Variants in EIF2B1 observed in about 807,000 individuals in gnomAD.
EIF2B1 encodes the protein translation initiation factor eIF2B subunit alpha.
A neutral mutation model predicts 36.8 loss-of-function variants in EIF2B1; 30 were observed. That is an observed-to-expected ratio of 0.81 (90% CI 0.61 to 1.10). The LOEUF (loss-of-function observed/expected upper bound fraction) is 1.10, where lower values mean the gene tolerates loss of function less well. EIF2B1 is among the 50% of genes least tolerant of loss of function. The pLI is 0.00. For missense variants in EIF2B1, 271 were observed against 374.8 expected, an observed-to-expected ratio of 0.72 and a Z score of 2.29; for synonymous variants, 139 against 142.2, an observed-to-expected ratio of 0.98 and a Z score of 0.16.
chr12:123,627,011 G>A, intron 5 of EIF2B1, 33 bp downstream of exon 5: 5 of 1,584,320 alleles, frequency 3.2e-6, no homozygotes, highest in Non-Finnish European at 4.3e-6. Flanking sequence ...TAAAATTATG[G>A]CTGGGCACAT....
chr12:123,631,374 C>T (rs538933952), intron 2 of EIF2B1, among the ~76,000 whole-genome samples: 6 of 152,060 alleles, frequency 3.9e-5, no homozygotes, highest in African/African-American at 1.4e-4. Flanking sequence ...TTCTAAGAGT[C>T]ATTAGAAGAC....
intron 2 of EIF2B1, among the ~76,000 whole-genome samples, chr12:123,631,021 T>A (rs1955183034): frequency 6.6e-6 from 1 of 152,252 alleles, no homozygotes; most frequent in Non-Finnish European, 1.5e-5. Context: ...TATACCCAGA[T>A]GCTTACATTT....
At chr12:123,625,683 G>C (rs970311817) in intron 6 of EIF2B1, among the ~76,000 whole-genome samples, 4 of 152,126 alleles carry the variant, frequency 2.6e-5, no homozygotes, top group African/African-American at 9.7e-5. Flanking sequence ...ACAATCCCAG[G>C]AACATGTGAC....
chr12:123,633,423 C>G, intron 1 of EIF2B1, 122 bp downstream of exon 1: 1 of 1,461,896 alleles, frequency 6.8e-7, no homozygotes, highest in Non-Finnish European at 9.6e-7. Flanking sequence ...GGAAACACAA[C>G]CAGCGGAGCA....
Position 123,633,637 on chromosome 12 carries a change from C to A in EIF2B1, c.-80G>T, listed in dbSNP as rs770426974. On this transcript the variant is annotated 5_prime_UTR_variant, in exon 1 of 9. Transcript: ENST00000424014. ...ACGGGTCCGCCGGCCGCGCCGCCTG[C>A]GAGCCAGTCTGACAGCGCGCTGCAC... The A allele has an allele frequency of 1.9e-6, 3 of 1,579,598 alleles. No homozygotes were observed. The highest frequency in any genetic ancestry group is 1.7e-6 in the Non-Finnish European group (2 of 1,169,848).
Position 123,621,566 on chromosome 12 carries a change from T to C in EIF2B1, c.*190A>G. On this transcript the variant is annotated 3_prime_UTR_variant, in exon 9 of 9. Transcript: ENST00000424014. ...GAACAATTTAAGTTGGGATTTAGAA[T>C]AGCTGACACATTTTTAGATGGGACT... 4 of 678,726 alleles carry C rather than the reference T, an allele frequency of 5.9e-6. No homozygotes were observed. Among genetic ancestry groups the C allele is most frequent in the Non-Finnish European group, 1.0e-5 (4 of 399,522 alleles). 42.0% of individuals were successfully genotyped at this position (678,726 alleles called of 1,614,324 possible). A position where few individuals can be genotyped will look rare whatever the true frequency, so the allele number is the denominator to read the frequency against.
At chr12:123,625,711 G>C (rs1955143497) in intron 6 of EIF2B1, among the ~76,000 whole-genome samples, 1 of 152,200 alleles carries the variant, frequency 6.6e-6, no homozygotes, top group Non-Finnish European at 1.5e-5. Flanking sequence ...TGCGACACAA[G>C]CTGCATCTTC....
rs886049051 is a variant in EIF2B1 at position 123,633,627 on chromosome 12, G to A, written c.-70C>T. 2 of 1,594,578 alleles carry A rather than the reference G, an allele frequency of 1.3e-6. No homozygotes were observed. The highest frequency in any genetic ancestry group is 1.7e-5 in the Admixed American group (1 of 59,664). On this transcript the variant is annotated 5_prime_UTR_variant, in exon 1 of 9. Transcript: ENST00000424014. ...GCTGTCTCGAACGGGTCCGCCGGCC[G>A]CGCCGCCTGCGAGCCAGTCTGACAG...
rs547744395 is a variant in EIF2B1 at position 123,620,960 on chromosome 12, G to A, written c.*796C>T. On this transcript the variant is annotated 3_prime_UTR_variant, in exon 9 of 9. Coordinates refer to ENST00000424014, the MANE Select transcript of EIF2B1 (RefSeq NM_001414.4). ...TTGCCTGGGTCTTAAGTGTGTAAAT[G>A]TAGCTGGACAGTGTTTTCCCCTAGA... The A allele has an allele frequency of 3.3e-5, 5 of 152,460 alleles. No homozygotes were observed. The highest frequency in any genetic ancestry group is 3.3e-4 in the Admixed American group (5 of 15,298). The allele number at this position is 152,460 out of a possible 1,614,324, so 9.4% of individuals were successfully genotyped here.
intron 7 of EIF2B1, among the ~76,000 whole-genome samples, chr12:123,623,486 G>A (rs1224369936): frequency 1.3e-5 from 2 of 152,170 alleles, no homozygotes; most frequent in Non-Finnish European, 2.9e-5. Flanking sequence ...TGCAGCTGCT[G>A]TGGAAAATCA....
At chr12:123,632,894 C>T (rs1381614172) in intron 1 of EIF2B1, among the ~76,000 whole-genome samples, 1 of 142,390 alleles carries the variant, frequency 7.0e-6, no homozygotes, top group African/African-American at 2.7e-5. Flanking sequence ...TGCAGTGAGC[C>T]GAGACTGCGC....
At chr12:123,627,986 T>C (rs778412146) in intron 4 of EIF2B1, among the ~76,000 whole-genome samples, 7 of 152,256 alleles carry the variant, frequency 4.6e-5, no homozygotes, top group Non-Finnish European at 1.0e-4. Flanking sequence ...TTTGAATTTA[T>C]AAACACTGTT....
intron 7 of EIF2B1, 122 bp downstream of exon 7, chr12:123,624,665 T>C (rs1445813872): frequency 8.3e-6 from 7 of 842,010 alleles, no homozygotes; most frequent in South Asian, 1.4e-5. Context: ...CTCAATACCA[T>C]GATGAAGTCC....
intron 7 of EIF2B1, among the ~76,000 whole-genome samples, chr12:123,624,564 T>C (rs1164797987): frequency 6.6e-6 from 1 of 152,140 alleles, no homozygotes; most frequent in Admixed American, 6.5e-5. Flanking sequence ...CTGACCAAAT[T>C]ACATTGTCTT....
Position 123,627,142 on chromosome 12 carries a change from G to GT in EIF2B1, c.383dup (p.His128GlnfsTer22), listed in dbSNP as rs780061310. On this transcript the variant is annotated frameshift_variant, in exon 5 of 9. Transcript: ENST00000424014. LOFTEE classifies it high-confidence loss of function. ...CTCTCAGGACCACTCTGGAGTAGGC[G>GT]TGAGTCAATATTGTCTGTGGACCGA... The GT allele has an allele frequency of 4.3e-6, 7 of 1,614,016 alleles. No individual in the cohort carries two copies. The South Asian group carries it at 7.7e-5, about 18-fold the overall frequency.
chr12:123,623,311 G>C (rs576218699), intron 7 of EIF2B1, among the ~76,000 whole-genome samples: 1 of 151,886 alleles, frequency 6.6e-6, no homozygotes, highest in African/African-American at 2.4e-5. Flanking sequence ...GCTTGAACCC[G>C]GGCACTGGAG....
intron 2 of EIF2B1, 59 bp downstream of exon 2, chr12:123,632,285 AG>A (rs67790209): frequency 0.031 from 29,745 of 957,688 alleles, 1,172 homozygotes; most frequent in African/African-American, 0.084. Context: ...AAAAAAAAAA[AG>A]AAAAGAAAAA....
intron 2 of EIF2B1, among the ~76,000 whole-genome samples, chr12:123,631,953 G>C (rs1176104308): frequency 6.6e-6 from 1 of 150,822 alleles, no homozygotes; most frequent in Admixed American, 6.6e-5. Flanking sequence ...CAGCCTGGGA[G>C]ACAAGAGCAA....
chr12:123,622,705 C>T lies in EIF2B1; in HGVS notation c.684G>A (p.Val228=), dbSNP rs1213336563. Residue 228 remains valine, a synonymous_variant, in exon 8 of 9, where the codon GTG becomes GTA. Transcript: ENST00000424014. ...GGACAAACTTGAAACTTTCTGCAAC[C>T]ACATAGAAAGGTTTGTTCTGTGCTT... ...CAKAQNKPFY[V]VAESFKFVRL... 8 of 1,614,172 alleles carry T rather than the reference C, an allele frequency of 5.0e-6. No individual in the cohort carries two copies. The highest frequency in any genetic ancestry group is 6.8e-6 in the Non-Finnish European group (8 of 1,180,012).
Sources: gnomAD v4.1 joint callset for allele counts (sites outside exome capture counted in the v4.1 genomes callset) on GRCh38, gnomAD v4.1.1 for gene constraint, MANE v1.5 for transcripts, NCBI Gene and HGNC (gene_info 2026-07-23, HGNC 2026-07-21) for gene names.